GALNTL6: variants seen among roughly 807,000 people sequenced by gnomAD.
The protein encoded by GALNTL6 is polypeptide N-acetylgalactosaminyltransferase-like 6.
In GALNTL6, 46 loss-of-function variants were observed where a neutral mutation model predicts 73.7. The ratio of observed to expected loss-of-function variants is 0.62; its 90% confidence interval spans 0.49 to 0.80. The LOEUF is 0.80. GALNTL6 is among the 30% of genes least tolerant of loss of function. GALNTL6 has a pLI of 0.00. For synonymous variants in GALNTL6, 259 were observed against 263.7 expected, an observed-to-expected ratio of 0.98 and a Z score of 0.17; for missense variants, 604 against 755.0, an observed-to-expected ratio of 0.80 and a Z score of 2.34.
At chr4:172,218,891 A>T (rs980296109) in intron 2 of GALNTL6, among the ~76,000 whole-genome samples, 9 of 151,938 alleles carry the variant, frequency 5.9e-5, no homozygotes, top group Admixed American at 2.6e-4. Context: ...ATATTCATGT[A>T]CATTGACAGT....
intron 2 of GALNTL6, among the ~76,000 whole-genome samples, chr4:172,187,410 G>T (rs974620871): frequency 6.6e-6 from 1 of 151,966 alleles, no homozygotes; most frequent in Non-Finnish European, 1.5e-5. Context: ...CCAGCTTTCC[G>T]TAAAAATTAA....
intron 5 of GALNTL6, among the ~76,000 whole-genome samples, chr4:172,570,683 G>A (rs879499882): frequency 5.9e-5 from 9 of 152,166 alleles, no homozygotes; most frequent in African/African-American, 4.8e-5. Flanking sequence ...AGTGGTGGGG[G>A]TGGTGCGGGG....
At chr4:172,251,775 G>A (rs1208230560) in intron 3 of GALNTL6, among the ~76,000 whole-genome samples, 1 of 152,116 alleles carries the variant, frequency 6.6e-6, no homozygotes, top group South Asian at 2.1e-4. Context: ...CCAGAGAGAG[G>A]AATACTAGAC....
intron 2 of GALNTL6, among the ~76,000 whole-genome samples, chr4:172,197,258 A>G (rs1735803896): frequency 6.6e-6 from 1 of 152,318 alleles, no homozygotes; most frequent in African/African-American, 2.4e-5. Context: ...CTTCAAGAAG[A>G]ACTACAAACG....
intron 5 of GALNTL6, among the ~76,000 whole-genome samples, chr4:172,480,798 C>G (rs906353000): frequency 5.9e-5 from 9 of 152,152 alleles, no homozygotes; most frequent in African/African-American, 2.2e-4. Flanking sequence ...TTCTGGGAGA[C>G]TGGCTAGCTG....
chr4:171,960,370 A>G (rs1040030059), intron 2 of GALNTL6, among the ~76,000 whole-genome samples: 22 of 151,972 alleles, frequency 1.4e-4, no homozygotes, highest in African/African-American at 4.4e-4. Flanking sequence ...TCTGCCTCCC[A>G]GGTTCAAGTG....
At chr4:172,211,996 T>G (rs1736338565) in intron 2 of GALNTL6, among the ~76,000 whole-genome samples, 1 of 152,176 alleles carries the variant, frequency 6.6e-6, no homozygotes, top group Admixed American at 6.5e-5. Flanking sequence ...AAGGTGCTTA[T>G]TTCAAGTTTG....
intron 2 of GALNTL6, among the ~76,000 whole-genome samples, chr4:171,887,924 C>T (rs1736649496): frequency 6.6e-6 from 1 of 152,070 alleles, no homozygotes; most frequent in Non-Finnish European, 1.5e-5. Context: ...TCATAGTATA[C>T]CTATAGCTGA....
chr4:172,090,983 T>G (rs1441267764), intron 2 of GALNTL6, among the ~76,000 whole-genome samples: 1 of 152,198 alleles, frequency 6.6e-6, no homozygotes, highest in African/African-American at 2.4e-5. Context: ...TGTGTCAGGT[T>G]TGTCAAAGAT....
At chr4:171,904,504 A>T (rs891183079) in intron 2 of GALNTL6, among the ~76,000 whole-genome samples, 3 of 152,346 alleles carry the variant, frequency 2.0e-5, no homozygotes, top group African/African-American at 4.8e-5. Flanking sequence ...TGAAAAGACC[A>T]AATCTGCGTC....
chr4:172,750,678 A>T (rs1382224867), intron 5 of GALNTL6, among the ~76,000 whole-genome samples: 1 of 152,228 alleles, frequency 6.6e-6, no homozygotes, highest in Non-Finnish European at 1.5e-5. Context: ...TTCTTTTTAT[A>T]CATTGAGAAT....
chr4:172,304,911 G>A (rs920486279), intron 3 of GALNTL6, among the ~76,000 whole-genome samples: 4 of 152,006 alleles, frequency 2.6e-5, no homozygotes, highest in Admixed American at 2.0e-4. Flanking sequence ...TTTTCTAGTT[G>A]CAGTTTCCAG....
At chr4:172,320,490 A>C (rs1408521244) in intron 4 of GALNTL6, among the ~76,000 whole-genome samples, 1 of 152,222 alleles carries the variant, frequency 6.6e-6, no homozygotes, top group Non-Finnish European at 1.5e-5. Flanking sequence ...GTCACGCTGA[A>C]AAAGAGATTG....
At chr4:172,842,026 G>T (rs1400151461) in intron 7 of GALNTL6, among the ~76,000 whole-genome samples, 3 of 152,102 alleles carry the variant, frequency 2.0e-5, no homozygotes, top group African/African-American at 7.2e-5. Context: ...TGTGAGTTAG[G>T]CCAGGCTTGG....
intron 3 of GALNTL6, among the ~76,000 whole-genome samples, chr4:172,233,265 C>T (rs974290693): frequency 2.0e-5 from 3 of 150,460 alleles, no homozygotes; most frequent in Non-Finnish European, 4.4e-5. Flanking sequence ...GTCTCAACTA[C>T]ATGGAGCTGA....
chr4:172,543,325 ATTGGG>A (rs1426011899), intron 5 of GALNTL6, among the ~76,000 whole-genome samples: 1 of 152,214 alleles, frequency 6.6e-6, no homozygotes, highest in African/African-American at 2.4e-5. Flanking sequence ...TTACCTGCTG[ATTGGG>A]TTGTAAGCTA....
chr4:172,863,054 C>A (rs114083534), intron 7 of GALNTL6, among the ~76,000 whole-genome samples: 2,667 of 152,346 alleles, frequency 0.018, 79 homozygotes, highest in African/African-American at 0.06. Context: ...GTTGAGCCTG[C>A]AGGTGCACAG....
At chr4:172,882,964 A>C in intron 8 of GALNTL6, 57 bp downstream of exon 8, 1 of 910,428 alleles carries the variant, frequency 1.1e-6, no homozygotes, top group Non-Finnish European at 1.8e-6. Context: ...ATTCTGATAG[A>C]ATATCAGCAT....
At chr4:172,298,923 AAT>A (rs1485189151) in intron 3 of GALNTL6, among the ~76,000 whole-genome samples, 4 of 152,210 alleles carry the variant, frequency 2.6e-5, no homozygotes. Flanking sequence ...TATTGATTGA[AAT>A]AGTTTCAGAA....
Sources: gnomAD v4.1 joint callset for allele counts (sites outside exome capture counted in the v4.1 genomes callset) on GRCh38, gnomAD v4.1.1 for gene constraint, MANE v1.5 for transcripts, NCBI Gene and HGNC (gene_info 2026-07-23, HGNC 2026-07-21) for gene names.